Variants in SHISA7 observed in about 807,000 individuals in gnomAD.
The protein encoded by SHISA7 is protein shisa-7.
A neutral mutation model predicts 23.9 loss-of-function variants in SHISA7; 6 were observed. The ratio of observed to expected loss-of-function variants is 0.25; its 90% CI spans 0.14 to 0.50. The LOEUF (loss-of-function observed/expected upper bound fraction) is 0.50, where lower values mean the gene tolerates loss of function less well. Among genes scored for constraint, SHISA7 ranks in the 20% least tolerant of loss-of-function variants. SHISA7 has a pLI of 0.98. For synonymous variants in SHISA7, 386 were observed against 398.3 expected (o/e 0.97, Z 0.37); for missense variants, 671 against 801.1 (o/e 0.84, Z 1.96).
intron 2 of SHISA7, 150 bp from the exon 3 acceptor site, chr19:55,437,904 C>T: frequency 2.0e-6 from 2 of 975,874 alleles, no homozygotes; most frequent in Non-Finnish European, 2.9e-6. Flanking sequence ...CCAGCCCCTC[C>T]ACCTCAGACC....
Position 55,437,648 on chromosome 19 carries a change from G to A in SHISA7, c.933C>T (p.Ala311=). ...LSHLPPSYEA[A]VKSELNRYSS... ...AGTAGCGGTTCAGCTCGGATTTCAC[G>A]GCAGCCTCGTAGGACGGGGGCAGAT... Residue 311 remains alanine (A), a synonymous_variant, in exon 3 of 4, where the codon GCC becomes GCT. Transcript: ENST00000376325. The A allele has an allele frequency of 6.4e-7, 1 of 1,551,570 alleles. No individual in the cohort carries two copies. Among genetic ancestry groups the A allele is most frequent in the Non-Finnish European group, 8.7e-7 (1 of 1,146,944 alleles).
At position 55,442,273 on chromosome 19, in the gene SHISA7, C is replaced by G; in HGVS notation, c.591G>C (p.Leu197=). 6.5e-7 allele frequency: 1 copy of G among 1,533,344 alleles called. No individual in the cohort carries two copies. Among genetic ancestry groups the G allele is most frequent in the Non-Finnish European group, 8.7e-7 (1 of 1,145,736 alleles). 95.0% of individuals were successfully genotyped at this position (1,533,344 alleles called of 1,614,324 possible). ...YVVCGVISFA[L]AVGVGAKVAF... The stretch of plus-strand genomic sequence containing the variant: ...CCACTTTGGCGCCGACGCCCACGGC[C>G]AGGGCGAAGCTGATGACCCCGCACA... Residue 197 remains leucine (L), a synonymous_variant, in exon 1 of 4, where the codon CTG becomes CTC. Coordinates refer to ENST00000376325, the MANE Select transcript of SHISA7 (RefSeq NM_001145176.2).
intron 3 of SHISA7, among the ~76,000 whole-genome samples, chr19:55,435,322 G>GT: frequency 9.4e-6 from 1 of 106,094 alleles, no homozygotes; most frequent in East Asian, 3.7e-4. Context: ...TGTGTGTGTG[G>GT]GTGTGTGTGG....
At position 55,432,321 on chromosome 19, in the gene SHISA7, G is replaced by A. The variant is rs765533763; in HGVS notation, c.*835C>T. 1.3e-5 allele frequency: 2 copies of A among 152,654 alleles called. No individual in the cohort carries two copies. Among genetic ancestry groups the A allele is most frequent in the Admixed American group, 1.3e-4 (2 of 15,276 alleles). 9.5% of individuals were successfully genotyped at this position (152,654 alleles called of 1,614,324 possible). ...TGCCATCTCAGAGCACATAGCATCT[G>A]GGCGACATCACAGAAGGGACCTCCT... On this transcript the variant is annotated 3_prime_UTR_variant, in exon 4 of 4. Coordinates refer to ENST00000376325, the MANE Select transcript of SHISA7 (RefSeq NM_001145176.2). The surrounding 1 kb of genome is among the most constrained non-coding windows in gnomAD (Gnocchi z 4.6).
rs911060696 is a variant in SHISA7 at position 55,442,731 on chromosome 19, C to T, written c.133G>A (p.Gly45Arg). Residue 45 changes from glycine to arginine, a missense_variant, in exon 1 of 4, where the codon GGG becomes AGG. Physicochemically the swap from Gly to Arg is moderately radical, Grantham distance 125 (BLOSUM62 -2). Transcript: ENST00000376325. ...GCGCCCCCGCCGCCCGTCAGCGCCC[C>T]GGTCAGGCGCCGCAGGTGCGCCAGC... ...ALLAHLRRLT[G>R]ALTGGGGAAS... is the part of the protein sequence containing the mutation. 4.7e-6 allele frequency: 5 copies of T among 1,052,768 alleles called. No individual in the cohort carries two copies. Among genetic ancestry groups the T allele is most frequent in the African/African-American group, 1.7e-5 (1 of 58,310 alleles). 65.2% of individuals were successfully genotyped at this position (1,052,768 alleles called of 1,614,324 possible).
rs990460681 is a variant in SHISA7 at position 55,431,837 on chromosome 19, G to T, written c.*1319C>A. On this transcript the variant is annotated 3_prime_UTR_variant, in exon 4 of 4. Coordinates refer to ENST00000376325, the MANE Select transcript of SHISA7 (RefSeq NM_001145176.2). ...GGTGATCCAGAGTGGCCTCCTGGGA[G>T]CAGAAGGCCATCTGGAGGTCCTGTC... The T allele has an allele frequency of 2.0e-5, 3 of 152,184 alleles. No homozygotes were observed. Among genetic ancestry groups the T allele is most frequent in the Admixed American group, 2.0e-4 (3 of 15,286 alleles). 9.4% of individuals were successfully genotyped at this position (152,184 alleles called of 1,614,324 possible). A position where few individuals can be genotyped will look rare whatever the true frequency, so the allele number is the denominator to read the frequency against.
chr19:55,436,228 A>T (rs1399334353), intron 3 of SHISA7, among the ~76,000 whole-genome samples: 1 of 151,586 alleles, frequency 6.6e-6, no homozygotes, highest in Non-Finnish European at 1.5e-5. Context: ...CAGAGGTTGC[A>T]GTGAGCCGAG....
At chr19:55,438,871 C>G (rs77999572) in intron 2 of SHISA7, among the ~76,000 whole-genome samples, 1 of 34,572 alleles carries the variant, frequency 2.9e-5, no homozygotes. Context: ...GTTCTTAGCA[C>G]CCCCCCCCCT....
rs1568450971 is a variant in SHISA7 at position 55,435,113 on chromosome 19, GGTGTGTGTGGT to G, written c.977-1328_977-1318del. On this transcript the variant is annotated intron_variant, in intron 3 of 3. Transcript: ENST00000376325. ...TGGTGTGTGTGTATGGTGTGTGTGT[GGTGTGTGTGGT>G]GTGTGTGGTGTATGTGTATGGTGTG... Among the ~76,000 whole-genome samples the G allele has an allele frequency of 1.8e-3, 70 of 38,792 alleles. 1 individual carries two copies. Among genetic ancestry groups the G allele is most frequent in the South Asian group, 4.2e-3 (3 of 716 alleles). The allele number at this position is 38,792 out of a possible 152,430, so 25.4% of individuals were successfully genotyped here. A position where few individuals can be genotyped will look rare whatever the true frequency, so the allele number is the denominator to read the frequency against.
Position 55,442,878 on chromosome 19 carries a change from G to T in SHISA7, c.-15C>A. On this transcript the variant is annotated 5_prime_UTR_variant, in exon 1 of 4. Transcript: ENST00000376325. ...AGGGCCGGCATGGGGCTTGCAGGGG[G>T]TCGCACTGGGCCGCCAGGCTGCGGG... 1.5e-6 allele frequency: 2 copies of T among 1,338,260 alleles called. No individual in the cohort carries two copies. The highest frequency in any genetic ancestry group is 1.9e-6 in the Non-Finnish European group (2 of 1,049,780). The allele number at this position is 1,338,260 out of a possible 1,614,324, so 82.9% of individuals were successfully genotyped here. A position where few individuals can be genotyped will look rare whatever the true frequency, so the allele number is the denominator to read the frequency against.
intron 3 of SHISA7, among the ~76,000 whole-genome samples, chr19:55,435,144 GGTGT>G (rs1393218744): frequency 6.4e-5 from 7 of 109,762 alleles, no homozygotes; most frequent in Non-Finnish European, 1.3e-4. Flanking sequence ...GTATGTGTAT[GGTGT>G]GTGTGTGTGG....
intron 3 of SHISA7, among the ~76,000 whole-genome samples, chr19:55,435,364 GGT>G (rs140953995): frequency 1.2e-3 from 115 of 99,782 alleles, no homozygotes; most frequent in African/African-American, 3.4e-3. Flanking sequence ...GTGTGTGTGT[GGT>G]GTGTGTGTGG....
chr19:55,434,670 ATGG>A (rs1985345865), intron 3 of SHISA7, among the ~76,000 whole-genome samples: 1 of 32,776 alleles, frequency 3.1e-5, no homozygotes. Flanking sequence ...GTGTGTGTGT[ATGG>A]TGTGTGGTGT....
In SHISA7 at chr19:55,433,589, C is replaced by T. The variant is rs763445222; in HGVS notation, c.1184G>A (p.Arg395His). The change falls in exon 4 of 4, where the codon CGT (arginine) becomes CAT (histidine). Residue 395 changes from arginine to histidine, a missense_variant. Around this residue, in one of 5 missense-constraint regions of SHISA7, gnomAD observed 457 missense variants for 488.3 expected, o/e 0.94. Transcript: ENST00000376325. The surrounding 1 kb of genome is among the most constrained non-coding windows in gnomAD (Gnocchi z 8.4). ...CGGCAGCGTGAACTCGTAGCGCGAA[C>T]GGCCACCATCGCCCAGCAGGTGCTC... ...SQEHLLGDGG[R>H]SRYEFTLPRA... is the part of the protein sequence containing the mutation. 2 of 1,498,478 alleles carry T rather than the reference C, an allele frequency of 1.3e-6. No individual in the cohort carries two copies. The highest frequency in any genetic ancestry group is 1.5e-5 in the African/African-American group (1 of 68,580). The allele number at this position is 1,498,478 out of a possible 1,614,324, so 92.8% of individuals were successfully genotyped here. A position where few individuals can be genotyped will look rare whatever the true frequency, so the allele number is the denominator to read the frequency against.
rs932383527 is a variant in SHISA7 at position 55,433,559 on chromosome 19, G to A, written c.1214C>T (p.Ala405Val). The A allele has an allele frequency of 1.0e-5, 15 of 1,494,972 alleles. No individual in the cohort carries two copies. The Admixed American group carries it at 2.4e-4, about 24-fold the overall frequency. 92.6% of individuals were successfully genotyped at this position (1,494,972 alleles called of 1,614,324 possible). A position where few individuals can be genotyped will look rare whatever the true frequency, so the allele number is the denominator to read the frequency against. ...CAGGTGCTCCTGCGACACCAGGCGC[G>A]CGCGCGGCAGCGTGAACTCGTAGCG... ...RSRYEFTLPR[A>V]RLVSQEHLLL... Residue 405 changes from alanine (A) to valine (V), a missense_variant, in exon 4 of 4, where the codon GCG becomes GTG. Around this residue, in one of 5 missense-constraint regions of SHISA7, gnomAD observed 457 missense variants for 488.3 expected, o/e 0.94. Transcript: ENST00000376325. This position sits in a 1 kb window ranked among gnomAD's most constrained non-coding sequence, Gnocchi z 8.4.
chr19:55,435,081 GT>G, intron 3 of SHISA7, among the ~76,000 whole-genome samples: 1 of 26,036 alleles, frequency 3.8e-5, no homozygotes, highest in Non-Finnish European at 8.4e-5. Flanking sequence ...GGTGTGTGTG[GT>G]GTGTGTGGTG....
Position 55,433,599 on chromosome 19 carries a change from C to G in SHISA7, c.1174G>C (p.Asp392His). ...RVMSQEHLLG[D>H]GGRSRYEFTL... ...AACTCGTAGCGCGAACGGCCACCAT[C>G]GCCCAGCAGGTGCTCCTGGGACATG... The change falls in exon 4 of 4, where the codon GAT (aspartate) becomes CAT (histidine). Residue 392 changes from aspartate (D) to histidine (H), a missense_variant. By Grantham distance (81) the Asp-to-His change is moderately conservative. Around this residue, in one of 5 missense-constraint regions of SHISA7, gnomAD observed 457 missense variants for 488.3 expected, o/e 0.94. Transcript: ENST00000376325. The surrounding 1 kb of genome is among the most constrained non-coding windows in gnomAD (Gnocchi z 8.4). 6.7e-7 allele frequency: 1 copy of G among 1,498,066 alleles called. No homozygotes were observed. Among genetic ancestry groups the G allele is most frequent in the Non-Finnish European group, 8.8e-7 (1 of 1,130,048 alleles). The allele number at this position is 1,498,066 out of a possible 1,614,324, so 92.8% of individuals were successfully genotyped here.
chr19:55,440,677 C>A lies in SHISA7; in HGVS notation c.760G>T (p.Gly254Cys). ...GTCCTGGGGGGCATGCTGTCGGGAC[C>A]GCCGATCCCCGGGGTCAGGGAGCTG... Reference protein sequence around the residue: ...RSSSLTPGIGGPDSMPPRTPK... With the variant: ...RSSSLTPGIGCPDSMPPRTPK... The change falls in exon 2 of 4, where the codon GGT (glycine) becomes TGT (cysteine). Residue 254 changes from glycine (G) to cysteine (C), a missense_variant. Coordinates refer to ENST00000376325, the MANE Select transcript of SHISA7 (RefSeq NM_001145176.2). 8.0e-7 allele frequency: 1 copy of A among 1,249,702 alleles called. No individual in the cohort carries two copies. The highest frequency in any genetic ancestry group is 4.1e-5 in the South Asian group (1 of 24,432). The allele number at this position is 1,249,702 out of a possible 1,614,324, so 77.4% of individuals were successfully genotyped here. A position where few individuals can be genotyped will look rare whatever the true frequency, so the allele number is the denominator to read the frequency against.
At chr19:55,436,375 T>C (rs1172839818) in intron 3 of SHISA7, among the ~76,000 whole-genome samples, 2 of 150,718 alleles carry the variant, frequency 1.3e-5, no homozygotes, top group Non-Finnish European at 2.9e-5. Context: ...GAGGCCGATG[T>C]GGGTGGATCA....
Sources: allele counts gnomAD v4.1 joint callset (sites outside exome capture counted in the v4.1 genomes callset), GRCh38; gene constraint gnomAD v4.1.1; regional missense constraint gnomAD v4.1.1; non-coding constraint Gnocchi (gnomAD v3.1); transcripts MANE v1.5; gene names NCBI Gene and HGNC (gene_info 2026-07-23, HGNC 2026-07-21).